KCNIP4: variants seen among roughly 807,000 people sequenced by gnomAD.
KCNIP4 encodes Kv channel-interacting protein 4.
In KCNIP4, 12 loss-of-function variants were observed where a neutral mutation model predicts 34.0. The ratio of observed to expected loss-of-function variants is 0.35; its 90% CI spans 0.23 to 0.57. The LOEUF is 0.57. KCNIP4 is among the 20% of genes least tolerant of loss of function. KCNIP4 has a pLI of 0.83. For synonymous variants in KCNIP4, 124 were observed against 102.2 expected, an observed-to-expected ratio of 1.21 and a Z score of -1.29; for missense variants, 238 against 311.7, an observed-to-expected ratio of 0.76 and a Z score of 1.78.
chr4:20,743,714 G>A (rs375500589), intron 5 of KCNIP4, among the ~76,000 whole-genome samples: 1 of 152,028 alleles, frequency 6.6e-6, no homozygotes, highest in East Asian at 1.9e-4. Context: ...GCATGGGCAA[G>A]GACTTCATGT....
intron 1 of KCNIP4, among the ~76,000 whole-genome samples, chr4:21,928,760 C>T (rs1729404567): frequency 6.6e-6 from 1 of 152,006 alleles, no homozygotes; most frequent in Admixed American, 6.6e-5. Flanking sequence ...GAAAATGATG[C>T]TTCCTCCTAT....
At chr4:21,216,256 AAGATAGC>A (rs1757570566) in intron 1 of KCNIP4, among the ~76,000 whole-genome samples, 1 of 152,256 alleles carries the variant, frequency 6.6e-6, no homozygotes, top group South Asian at 2.1e-4. Flanking sequence ...CACATTTAAA[AAGATAGC>A]TTAATAGCAA....
At chr4:21,619,361 G>A (rs560190863) in intron 1 of KCNIP4, among the ~76,000 whole-genome samples, 1 of 152,304 alleles carries the variant, frequency 6.6e-6, no homozygotes, top group African/African-American at 2.4e-5. Context: ...GCTTGATTAA[G>A]CAAATATTAA....
At chr4:20,839,598 A>G (rs1719486189) in intron 3 of KCNIP4, among the ~76,000 whole-genome samples, 1 of 151,646 alleles carries the variant, frequency 6.6e-6, no homozygotes, top group Non-Finnish European at 1.5e-5. Flanking sequence ...AAACTTTAAG[A>G]AAGAACTTCT....
rs1048024490 is a variant in KCNIP4 at position 20,952,980 on chromosome 4, C to T, written c.62-70271G>A. ...TCCCCCAGTCCTCTTTTAATAAGGG[C>T]ACTAATCCCATTTATGGGAATGGAG... On this transcript the variant is annotated intron_variant, in intron 1 of 8. Transcript: ENST00000382152. 2.0e-5 allele frequency among the ~76,000 whole-genome samples: 3 copies of T among 152,228 alleles called. No homozygotes were observed. In the East Asian group the frequency reaches 5.8e-4, roughly 29 times the overall value.
chr4:21,007,679 A>G (rs1244984534), intron 1 of KCNIP4, among the ~76,000 whole-genome samples: 1 of 152,196 alleles, frequency 6.6e-6, no homozygotes, highest in Non-Finnish European at 1.5e-5. Flanking sequence ...TCTAATGGTG[A>G]GATCCGAATT....
chr4:21,401,047 G>A (rs1723516659), intron 1 of KCNIP4, among the ~76,000 whole-genome samples: 1 of 152,112 alleles, frequency 6.6e-6, no homozygotes, highest in African/African-American at 2.4e-5. Flanking sequence ...CGTAATCCTA[G>A]CTACTCGGGA....
chr4:21,062,123 C>A (rs1481964408), intron 1 of KCNIP4, among the ~76,000 whole-genome samples: 1 of 152,168 alleles, frequency 6.6e-6, no homozygotes, highest in Non-Finnish European at 1.5e-5. Context: ...TTCATGCATT[C>A]ATTCCTTCAA....
intron 1 of KCNIP4, among the ~76,000 whole-genome samples, chr4:21,260,809 G>A (rs16870642): frequency 0.022 from 3,361 of 152,144 alleles, 91 homozygotes; most frequent in East Asian, 0.16. Flanking sequence ...AACTCTTTTC[G>A]TTTACAGAGG....
At chr4:21,230,386 G>C (rs1352198033) in intron 1 of KCNIP4, among the ~76,000 whole-genome samples, 1 of 152,144 alleles carries the variant, frequency 6.6e-6, no homozygotes, top group Non-Finnish European at 1.5e-5. Context: ...TGCAGGATGT[G>C]CAGGTTTGTT....
intron 1 of KCNIP4, among the ~76,000 whole-genome samples, chr4:21,342,360 T>C (rs542174201): frequency 1.3e-5 from 2 of 152,224 alleles, no homozygotes; most frequent in South Asian, 4.1e-4. Flanking sequence ...ATATACAGCA[T>C]AGGAAAAAAA....
At chr4:21,607,391 T>C (rs1305973701) in intron 1 of KCNIP4, among the ~76,000 whole-genome samples, 3 of 152,116 alleles carry the variant, frequency 2.0e-5, no homozygotes, top group African/African-American at 7.2e-5. Flanking sequence ...GAAGATAAAA[T>C]TATTAAACAT....
Position 20,965,603 on chromosome 4 carries a change from GAGA to G in KCNIP4, c.62-82897_62-82895del, listed in dbSNP as rs371776705. 2.2e-4 allele frequency among the ~76,000 whole-genome samples: 34 copies of G among 152,264 alleles called. No homozygotes were observed. In the South Asian group the frequency reaches 3.1e-3, roughly 14 times the overall value. The stretch of plus-strand genomic sequence containing the variant: ...CTGGTCTCTCTGGAGTGTGGAGAAT[GAGA>G]AGATTTGTTTTCATGGAAAAATGTA... On this transcript the variant is annotated intron_variant, in intron 1 of 8. Transcript: ENST00000382152.
intron 3 of KCNIP4, among the ~76,000 whole-genome samples, chr4:20,797,534 T>TATAC (rs985356985): frequency 4.6e-5 from 7 of 152,216 alleles, no homozygotes; most frequent in Non-Finnish European, 8.8e-5. Flanking sequence ...CTATGTACAC[T>TATAC]ATACAGTTGA....
intron 1 of KCNIP4, among the ~76,000 whole-genome samples, chr4:21,535,623 T>C (rs1439085272): frequency 1.3e-5 from 2 of 152,202 alleles, no homozygotes; most frequent in Non-Finnish European, 2.9e-5. Context: ...TTCTGAAACA[T>C]CTATTTTATT....
At chr4:21,485,101 A>C (rs1475358445) in intron 1 of KCNIP4, among the ~76,000 whole-genome samples, 1 of 152,204 alleles carries the variant, frequency 6.6e-6, no homozygotes, top group Non-Finnish European at 1.5e-5. Flanking sequence ...GTGAATTAGC[A>C]AGGAGGCAAT....
At chr4:20,992,173 T>C (rs1034511606) in intron 1 of KCNIP4, among the ~76,000 whole-genome samples, 1 of 152,236 alleles carries the variant, frequency 6.6e-6, no homozygotes, top group African/African-American at 2.4e-5. Flanking sequence ...GAGGTTTACT[T>C]GACTCACACT....
At chr4:21,144,006 C>T (rs1752172368) in intron 1 of KCNIP4, among the ~76,000 whole-genome samples, 2 of 152,258 alleles carry the variant, frequency 1.3e-5, no homozygotes, top group Non-Finnish European at 2.9e-5. Context: ...CCGCGCCAGG[C>T]CCAGAGTTCT....
intron 1 of KCNIP4, among the ~76,000 whole-genome samples, chr4:21,002,239 G>A (rs765984479): frequency 3.9e-5 from 6 of 152,142 alleles, no homozygotes; most frequent in Admixed American, 6.5e-5. Flanking sequence ...TGATGAGCCC[G>A]GAGCCAATTT....
Sources: gnomAD v4.1 joint callset for allele counts (sites outside exome capture counted in the v4.1 genomes callset) on GRCh38, gnomAD v4.1.1 for gene constraint, MANE v1.5 for transcripts, NCBI Gene and HGNC (gene_info 2026-07-23, HGNC 2026-07-21) for gene names.